Variants in NT5C3A observed in about 807,000 individuals in gnomAD.
NT5C3A encodes the protein 5'-nucleotidase, cytosolic IIIA.
Under a neutral mutation model 40.0 loss-of-function variants are expected in NT5C3A, and 23 were observed. The observed-to-expected ratio is 0.58, with a 90% CI of 0.41 to 0.81. The LOEUF (loss-of-function observed/expected upper bound fraction) is 0.81. Among genes scored for constraint, NT5C3A ranks in the 40% least tolerant of loss-of-function variants. The pLI is 0.00. For synonymous variants in NT5C3A, 130 were observed against 141.4 expected, an observed-to-expected ratio of 0.92 and a Z score of 0.57; for missense variants, 328 against 403.0, an observed-to-expected ratio of 0.81 and a Z score of 1.59.
rs104894028 is a variant in NT5C3A, at chr7:33,017,461, T to A, written c.671A>T (p.Asn224Ile). ...TACAGTTTCATCAAAATCCATAAAA[T>A]TGGACACAACTTTGACATTGGGATG... ...VYHPNVKVVS[N>I]FMDFDETGVL... is the part of the protein sequence containing the mutation. Residue 224 changes from asparagine (N) to isoleucine (I), a missense_variant, in exon 7 of 9, where the codon AAT (asparagine) becomes ATT (isoleucine). This residue lies in a region of NT5C3A where 280 missense variants were observed against 317.2 expected (regional missense o/e 0.88). Coordinates refer to ENST00000610140, the MANE Select transcript of NT5C3A (RefSeq NM_001002010.5). 1 of 1,612,306 alleles carries A rather than the reference T, an allele frequency of 6.2e-7. No individual in the cohort carries two copies. Among genetic ancestry groups the A allele is most frequent in the African/African-American group, 1.3e-5 (1 of 74,904 alleles).
intron 1 of NT5C3A, chr7:33,036,033 G>A: frequency 7.8e-6 from 11 of 1,415,202 alleles, no homozygotes; most frequent in Non-Finnish European, 1.1e-5. Flanking sequence ...AAAAAAAAAA[G>A]TACACGTGAC....
chr7:33,017,498 C>T lies in NT5C3A; in HGVS notation c.634G>A (p.Ala212Thr), dbSNP rs770479858. 1.2e-6 allele frequency: 2 copies of T among 1,613,712 alleles called. No individual in the cohort carries two copies. Among genetic ancestry groups the T allele is most frequent in the South Asian group, 1.1e-5 (1 of 91,066 alleles). Reference protein sequence around the residue: ...GDVLEEVIRQAGVYHPNVKVV... With the variant: ...GDVLEEVIRQTGVYHPNVKVV... ...TTGACATTGGGATGATAAACACCAG[C>T]TTGACGAATAACTTCCTCTAGTACA... The change falls in exon 7 of 9, where the codon GCT becomes ACT. Residue 212 changes from alanine to threonine, a missense_variant. By Grantham distance (58) the Ala-to-Thr change is moderately conservative. Coordinates refer to ENST00000610140, the MANE Select transcript of NT5C3A (RefSeq NM_001002010.5).
chr7:33,017,553 G>A lies in NT5C3A; in HGVS notation c.579C>T (p.Pro193=), dbSNP rs756657248. The change falls in exon 7 of 9, where the codon CCC becomes CCT. Residue 193 remains proline (P), a synonymous_variant. Transcript: ENST00000610140. The part of the protein sequence containing the change: ...FFDKLQQHSI[P]VFIFSAGIGD... ...CGATTCCAGCCGAAAATATGAACAC[G>A]GGGATGCTATGTTGTTGGAGCTTAT... The A allele has an allele frequency of 3.6e-5, 58 of 1,613,554 alleles. No individual in the cohort carries two copies. Among genetic ancestry groups the A allele is most frequent in the Non-Finnish European group, 4.8e-5 (57 of 1,179,614 alleles).
chr7:33,058,026 T>G (rs1787634946), intron 1 of NT5C3A, among the ~76,000 whole-genome samples: 1 of 152,138 alleles, frequency 6.6e-6, no homozygotes. Context: ...GCAATCTCAT[T>G]TTTTTTTCCT....
At chr7:33,032,901 C>CT (rs1448119427) in intron 1 of NT5C3A, among the ~76,000 whole-genome samples, 1 of 152,072 alleles carries the variant, frequency 6.6e-6, no homozygotes, top group Non-Finnish European at 1.5e-5. Flanking sequence ...CTACAGCCAT[C>CT]TGCCACTATG....
chr7:33,054,224 T>C (rs760044756), intron 1 of NT5C3A, among the ~76,000 whole-genome samples: 56 of 151,838 alleles, frequency 3.7e-4, no homozygotes, highest in Non-Finnish European at 7.2e-4. Context: ...CATGGTGGCA[T>C]GCACCTGTAG....
chr7:33,049,463 T>C (rs145154413), intron 1 of NT5C3A, among the ~76,000 whole-genome samples: 60 of 152,256 alleles, frequency 3.9e-4, no homozygotes, highest in African/African-American at 1.4e-3. Flanking sequence ...GTTCAAGCCA[T>C]AGATTCTATA....
chr7:33,021,180 T>C lies in NT5C3A; in HGVS notation c.440+92A>G, dbSNP rs1035039256. ...TGCATAATTTATTAATCTGTTTGTT[T>C]GCAATACAGGTAAAAAATAAGCCAT... On this transcript the variant is annotated intron_variant, in intron 5 of 8. Transcript: ENST00000610140. 1.9e-6 allele frequency: 3 copies of C among 1,540,286 alleles called. No homozygotes were observed. The African/African-American group carries it at 4.1e-5, about 21-fold the overall frequency.
intron 1 of NT5C3A, among the ~76,000 whole-genome samples, chr7:33,059,402 C>T (rs1247480704): frequency 2.6e-5 from 4 of 152,152 alleles, no homozygotes; most frequent in African/African-American, 9.7e-5. Context: ...TCCACATTTC[C>T]CTTACCTCCT....
chr7:33,031,209 T>C (rs1786237316), intron 1 of NT5C3A, among the ~76,000 whole-genome samples: 1 of 151,722 alleles, frequency 6.6e-6, no homozygotes, highest in African/African-American at 2.4e-5. Context: ...CTAGGGATAA[T>C]CCTAATTTCC....
At chr7:33,049,319 T>C (rs548366119) in intron 1 of NT5C3A, among the ~76,000 whole-genome samples, 1 of 152,224 alleles carries the variant, frequency 6.6e-6, no homozygotes, top group South Asian at 2.1e-4. Context: ...TAACTGGAAA[T>C]TGAAGCTTAG....
Position 33,022,093 on chromosome 7 carries a change from A to G in NT5C3A, c.314T>C (p.Ile105Thr), listed in dbSNP as rs1785659150. Residue 105 changes from isoleucine (I) to threonine (T), a missense_variant, in exon 4 of 9, where the codon ATT (isoleucine) becomes ACT (threonine). Ile to Thr is a moderately conservative substitution (Grantham distance 89). Transcript: ENST00000610140. ...ATCTGTAACCAGCTTACAGTTGTCAATGATATCTAAAGATAGAAAGCAAAA... is the reference window on the plus strand; with the variant it reads ...ATCTGTAACCAGCTTACAGTTGTCAGTGATATCTAAAGATAGAAAGCAAAA... ...GKRCPTCHNI[I>T]DNCKLVTDEC... 1 of 1,492,880 alleles carries G rather than the reference A, an allele frequency of 6.7e-7. No individual in the cohort carries two copies. The highest frequency in any genetic ancestry group is 9.3e-7 in the Non-Finnish European group (1 of 1,071,038). The allele number at this position is 1,492,880 out of a possible 1,614,324, so 92.5% of individuals were successfully genotyped here.
intron 7 of NT5C3A, among the ~76,000 whole-genome samples, chr7:33,016,585 G>A (rs1438780336): frequency 6.7e-6 from 1 of 148,884 alleles, no homozygotes; most frequent in Non-Finnish European, 1.5e-5. Context: ...AGGGAGAATT[G>A]CTTGAACCTG....
Position 33,016,026 on chromosome 7 carries a change from C to T in NT5C3A, c.694-156G>A, listed in dbSNP as rs1034931512. The stretch of plus-strand genomic sequence containing the variant: ...TCAAAGCACTTAAGTCCATCACATT[C>T]ACCATAGCTAAGAAGGGCTCGGAGA... On this transcript the variant is annotated intron_variant, in intron 7 of 8. Coordinates refer to ENST00000610140, the MANE Select transcript of NT5C3A (RefSeq NM_001002010.5). 35 of 643,330 alleles carry T rather than the reference C, an allele frequency of 5.4e-5. 2 individuals carry two copies. The South Asian group carries it at 6.4e-4, about 12-fold the overall frequency. 39.9% of individuals were successfully genotyped at this position (643,330 alleles called of 1,614,324 possible).
rs753944509 is a variant in NT5C3A, at chr7:33,019,744, G to GA, written c.441-21dup. ...GTATACCTGGAGTTTATGACCAAAG[G>GA]AAAAAAGACTATCAATTAAGACAAA... On this transcript the variant is annotated intron_variant, in intron 5 of 8. Coordinates refer to ENST00000610140, the MANE Select transcript of NT5C3A (RefSeq NM_001002010.5). 7 of 1,307,012 alleles carry GA rather than the reference G, an allele frequency of 5.4e-6. No homozygotes were observed. The highest frequency in any genetic ancestry group is 2.9e-5 in the African/African-American group (2 of 68,770). The allele number at this position is 1,307,012 out of a possible 1,614,324, so 81.0% of individuals were successfully genotyped here. A position where few individuals can be genotyped will look rare whatever the true frequency, so the allele number is the denominator to read the frequency against.
intron 1 of NT5C3A, among the ~76,000 whole-genome samples, chr7:33,040,372 A>C (rs1786853496): frequency 6.6e-6 from 1 of 152,202 alleles, no homozygotes; most frequent in Non-Finnish European, 1.5e-5. Flanking sequence ...GCTTTTATCA[A>C]TTCATAAAAC....
intron 5 of NT5C3A, among the ~76,000 whole-genome samples, chr7:33,020,896 G>T (rs533972241): frequency 6.6e-6 from 1 of 151,750 alleles, no homozygotes; most frequent in Non-Finnish European, 1.5e-5. Flanking sequence ...GCAACCAAAG[G>T]TCGATTTTTG....
intron 1 of NT5C3A, chr7:33,029,760 T>C (rs1466834607): frequency 2.5e-6 from 3 of 1,179,956 alleles, no homozygotes; most frequent in Non-Finnish European, 3.4e-6. Flanking sequence ...AGAGATAAGG[T>C]CTTGCTGTGT....
intron 6 of NT5C3A, among the ~76,000 whole-genome samples, chr7:33,018,971 A>G (rs1785486994): frequency 6.6e-6 from 1 of 152,120 alleles, no homozygotes; most frequent in Non-Finnish European, 1.5e-5. Context: ...GCTTATGTAA[A>G]TTTAGACATA....
Sources: gnomAD v4.1 joint callset for allele counts (sites outside exome capture counted in the v4.1 genomes callset) on GRCh38, gnomAD v4.1.1 for gene constraint, gnomAD v4.1.1 regional missense constraint, MANE v1.5 for transcripts, NCBI Gene and HGNC (gene_info 2026-07-23, HGNC 2026-07-21) for gene names.